The following SPAG11B variants were observed in gnomAD, a reference collection of about 807,000 sequenced individuals.
The protein encoded by SPAG11B is sperm-associated antigen 11B.
SPAG11B carries 5 observed loss-of-function variants against 8.9 expected under a neutral mutation model. The ratio of observed to expected loss-of-function variants is 0.56; its 90% CI spans 0.29 to 1.19. The LOEUF is 1.19. Ranked by LOEUF, SPAG11B falls within the 50% of genes most tolerant of loss-of-function variation. The probability of loss-of-function intolerance (pLI) is 0.08; values close to 1 mark genes in which losing one functional copy is unlikely to be tolerated. For missense variants in SPAG11B, 38 were observed against 146.4 expected, an observed-to-expected ratio of 0.26 and a Z score of 3.82; for synonymous variants, 12 against 53.0, an observed-to-expected ratio of 0.23 and a Z score of 3.36.
At chr8:7,453,550 G>T (rs1336490190) in intron 2 of SPAG11B, among the ~76,000 whole-genome samples, 4 of 148,754 alleles carry the variant, frequency 2.7e-5, no homozygotes, top group African/African-American at 1.0e-4. Flanking sequence ...GTTATAGCTT[G>T]CAGAGCCTTG....
At chr8:7,451,858 A>G (rs1015499015) in intron 2 of SPAG11B, among the ~76,000 whole-genome samples, 2 of 151,378 alleles carry the variant, frequency 1.3e-5, no homozygotes, top group Non-Finnish European at 2.9e-5. Flanking sequence ...TACTATGACC[A>G]TAAAGATTCA....
chr8:7,451,852 A>G (rs1810204209), intron 2 of SPAG11B, among the ~76,000 whole-genome samples: 2 of 151,536 alleles, frequency 1.3e-5, no homozygotes, highest in South Asian at 4.2e-4. Context: ...AAGACCTACT[A>G]TGACCATAAA....
At chr8:7,458,655 C>T (rs1296399930) in intron 2 of SPAG11B, among the ~76,000 whole-genome samples, 18 of 113,896 alleles carry the variant, frequency 1.6e-4, no homozygotes, top group African/African-American at 6.9e-4. Context: ...AATAACTGAA[C>T]TTCAAAATCC....
At chr8:7,450,554 C>A, downstream of SPAG11B, 1 of 1,397,458 alleles carries the variant, frequency 7.2e-7, no homozygotes, top group Non-Finnish European at 9.3e-7. Flanking sequence ...AAAGGCAGTA[C>A]ATGGAGAAGT....
intron 2 of SPAG11B, among the ~76,000 whole-genome samples, chr8:7,451,540 G>A (rs572879472): frequency 9.1e-6 from 1 of 109,612 alleles, no homozygotes; most frequent in East Asian, 2.8e-4. Flanking sequence ...TGTTGGTCTT[G>A]CGTGATTAGG....
intron 2 of SPAG11B, 52 bp from the exon 3 acceptor site, chr8:7,450,952 T>C (rs1229560713): frequency 1.3e-6 from 2 of 1,539,980 alleles, no homozygotes; most frequent in East Asian, 2.2e-5. Flanking sequence ...GTGCAGAGAA[T>C]AGAAGATGAC....
downstream of SPAG11B, among the ~76,000 whole-genome samples, chr8:7,448,901 C>T (rs1483365439): frequency 5.5e-5 from 8 of 144,470 alleles, no homozygotes; most frequent in Non-Finnish European, 1.2e-4. Flanking sequence ...CCATGCCTTA[C>T]AGGTGGACAA....
chr8:7,458,367 G>C (rs1474485963), intron 2 of SPAG11B, among the ~76,000 whole-genome samples: 1 of 54,364 alleles, frequency 1.8e-5, no homozygotes, highest in Non-Finnish European at 3.4e-5. Context: ...ATCCTGCACA[G>C]CTGGTCTGCA....
At chr8:7,452,872 T>C (rs953477211) in intron 2 of SPAG11B, among the ~76,000 whole-genome samples, 1 of 130,242 alleles carries the variant, frequency 7.7e-6, no homozygotes, top group African/African-American at 3.1e-5. Context: ...CAAAACACAA[T>C]GTATTTCCAC....
Position 7,452,925 on chromosome 8 carries a change from G to T in SPAG11B, c.215-2025C>A, listed in dbSNP as rs571365112. 7.3e-4 allele frequency among the ~76,000 whole-genome samples: 106 copies of T among 144,754 alleles called. 1 individual carries two copies. Among genetic ancestry groups the T allele is most frequent in the African/African-American group, 2.7e-3 (103 of 37,730 alleles). 95.0% of individuals were successfully genotyped at this position (144,754 alleles called of 152,430 possible). A position where few individuals can be genotyped will look rare whatever the true frequency, so the allele number is the denominator to read the frequency against. On this transcript the variant is annotated intron_variant, in intron 2 of 2. Transcript: ENST00000398462. ...AAAACAAGAAGATGTGTACAACAACGTGGATGAACCTCACAAACGCTATGC... is the reference window on the plus strand; with the variant it reads ...AAAACAAGAAGATGTGTACAACAACTTGGATGAACCTCACAAACGCTATGC...
intron 2 of SPAG11B, among the ~76,000 whole-genome samples, chr8:7,453,391 C>A (rs1810302193): frequency 6.7e-6 from 1 of 149,138 alleles, no homozygotes; most frequent in African/African-American, 2.5e-5. Flanking sequence ...CTCTCCTATC[C>A]CCCTGGGCTT....
chr8:7,452,837 A>G (rs1252286100), intron 2 of SPAG11B, among the ~76,000 whole-genome samples: 9 of 109,642 alleles, frequency 8.2e-5, no homozygotes, highest in South Asian at 3.3e-4. Context: ...AGAGAATGCA[A>G]CCAAATAGTG....
downstream of SPAG11B, among the ~76,000 whole-genome samples, chr8:7,449,646 T>C (rs1810003969): frequency 6.7e-6 from 1 of 148,608 alleles, no homozygotes; most frequent in African/African-American, 2.5e-5. Context: ...TTAGAAGAGG[T>C]TGCGAGAGGC....
chr8:7,448,833 C>G (rs1563338814), downstream of SPAG11B, among the ~76,000 whole-genome samples: 1 of 137,730 alleles, frequency 7.3e-6, no homozygotes, highest in Non-Finnish European at 1.6e-5. Flanking sequence ...GAAGCCTCAG[C>G]AAACACTCCC....
In SPAG11B at chr8:7,450,851, C is replaced by G; in HGVS notation, c.264G>C (p.Gly88=). 6.3e-7 allele frequency: 1 copy of G among 1,590,918 alleles called. No homozygotes were observed. Among genetic ancestry groups the G allele is most frequent in the Non-Finnish European group, 8.6e-7 (1 of 1,168,598 alleles). Residue 88 remains glycine, a synonymous_variant, in exon 3 of 3, where the codon GGG becomes GGC. Coordinates refer to ENST00000398462, the MANE Select transcript of SPAG11B (RefSeq NM_058201.4). ...AATGGCAGAAAAAAAGTCTGCAGAT[C>G]CCTTGCTGCATATGGCAGATGGTAT... The part of the protein sequence containing the change: ...IRNTICHMQQ[G]ICRLFFCHSG...
At chr8:7,448,710 C>G (rs1433355889), downstream of SPAG11B, among the ~76,000 whole-genome samples, 1 of 143,596 alleles carries the variant, frequency 7.0e-6, no homozygotes, top group Non-Finnish European at 1.5e-5. Flanking sequence ...GGGAACAGAG[C>G]AACTCCAGAG....
At chr8:7,452,786 A>G (rs1304122440) in intron 2 of SPAG11B, among the ~76,000 whole-genome samples, 5 of 90,176 alleles carry the variant, frequency 5.5e-5, no homozygotes, top group African/African-American at 2.4e-4. Flanking sequence ...ATTAGGAGAC[A>G]TGTGCACGAA....
intron 2 of SPAG11B, among the ~76,000 whole-genome samples, chr8:7,451,906 G>C (rs1204076916): frequency 2.8e-5 from 4 of 144,810 alleles, no homozygotes; most frequent in Non-Finnish European, 6.0e-5. Flanking sequence ...CTGGACTTTG[G>C]TTTTCTTTTT....
downstream of SPAG11B, chr8:7,449,245 C>A (rs1286637117): frequency 7.8e-6 from 3 of 386,506 alleles, no homozygotes; most frequent in African/African-American, 7.3e-5. Flanking sequence ...TTCTGAGGAA[C>A]ATGAGGCCAA....
Sources: gnomAD v4.1 joint callset for allele counts (sites outside exome capture counted in the v4.1 genomes callset) on GRCh38, gnomAD v4.1.1 for gene constraint, MANE v1.5 for transcripts, NCBI Gene and HGNC (gene_info 2026-07-23, HGNC 2026-07-21) for gene names.